The following CAMKMT variants were observed in gnomAD, a reference collection of about 807,000 sequenced individuals.
The protein encoded by CAMKMT is calmodulin-lysine N-methyltransferase.
CAMKMT carries 53 observed loss-of-function variants against 48.0 expected under a neutral mutation model. The ratio of observed to expected loss-of-function variants is 1.10; its 90% CI spans 0.89 to 1.39. The LOEUF (loss-of-function observed/expected upper bound fraction) is 1.39. CAMKMT is among the 40% of genes most tolerant of loss of function. The probability of loss-of-function intolerance (pLI) is 0.00; values close to 1 mark genes in which losing one functional copy is unlikely to be tolerated. For missense variants in CAMKMT, 428 were observed against 402.7 expected, an observed-to-expected ratio of 1.06 and a Z score of -0.54; for synonymous variants, 165 against 152.3, an observed-to-expected ratio of 1.08 and a Z score of -0.61.
At chr2:44,655,428 T>G (rs1182533482) in intron 3 of CAMKMT, among the ~76,000 whole-genome samples, 1 of 152,218 alleles carries the variant, frequency 6.6e-6, no homozygotes, top group African/African-American at 2.4e-5. Flanking sequence ...AGTTTCTTGC[T>G]GGAGGCAAAA....
intron 3 of CAMKMT, among the ~76,000 whole-genome samples, chr2:44,415,507 T>A (rs1683492649): frequency 6.6e-6 from 1 of 152,216 alleles, no homozygotes; most frequent in South Asian, 2.1e-4. Flanking sequence ...ATTAAGATAA[T>A]CACATGAATA....
intron 3 of CAMKMT, among the ~76,000 whole-genome samples, chr2:44,652,949 T>C (rs1471589823): frequency 6.6e-6 from 1 of 152,202 alleles, no homozygotes. Flanking sequence ...GTTGCCTGCT[T>C]CCCTTCTTAT....
At chr2:44,538,024 C>CA (rs1353390792) in intron 3 of CAMKMT, among the ~76,000 whole-genome samples, 2 of 152,088 alleles carry the variant, frequency 1.3e-5, no homozygotes, top group African/African-American at 4.8e-5. Context: ...AGCACAGTTC[C>CA]AAATTGCAAA....
intron 3 of CAMKMT, among the ~76,000 whole-genome samples, chr2:44,623,906 TG>T (rs1186694330): frequency 6.6e-6 from 1 of 152,220 alleles, no homozygotes; most frequent in African/African-American, 2.4e-5. Flanking sequence ...TAATATTTTA[TG>T]GATGCCTTTT....
In CAMKMT at chr2:44,362,047, G is replaced by T; in HGVS notation, c.40G>T (p.Ala14Ser). Residue 14 changes from alanine to serine, a missense_variant, in exon 1 of 11, where the codon GCG (alanine) becomes TCG (serine). Ala to Ser is a moderately conservative substitution (Grantham distance 99). Coordinates refer to ENST00000378494, the MANE Select transcript of CAMKMT (RefSeq NM_024766.5). ...CGCGGACGCTGGGACCGGCGAGACC[G>T]CGCGAGCAGCGGGCGGGAGTCCGGC... ...RVADAGTGET[A>S]RAAGGSPAVG... 7.0e-7 allele frequency: 1 copy of T among 1,431,326 alleles called. No individual in the cohort carries two copies. The highest frequency in any genetic ancestry group is 1.4e-5 in the South Asian group (1 of 69,196). 88.7% of individuals were successfully genotyped at this position (1,431,326 alleles called of 1,614,324 possible). A position where few individuals can be genotyped will look rare whatever the true frequency, so the allele number is the denominator to read the frequency against.
At chr2:44,558,087 C>T (rs1163507385) in intron 3 of CAMKMT, among the ~76,000 whole-genome samples, 1 of 151,896 alleles carries the variant, frequency 6.6e-6, no homozygotes, top group African/African-American at 2.4e-5. Flanking sequence ...TGAGATCTTG[C>T]TCTGTCATCC....
chr2:44,396,651 A>C (rs1681868916), intron 3 of CAMKMT, among the ~76,000 whole-genome samples: 1 of 152,010 alleles, frequency 6.6e-6, no homozygotes, highest in Non-Finnish European at 1.5e-5. Flanking sequence ...GGAGGGGGGT[A>C]GGTAAATTAA....
At chr2:44,597,891 C>T (rs1670759230) in intron 3 of CAMKMT, among the ~76,000 whole-genome samples, 1 of 152,180 alleles carries the variant, frequency 6.6e-6, no homozygotes, top group South Asian at 2.1e-4. Context: ...CATGCACCAC[C>T]ACCCTGGGCT....
chr2:44,601,783 T>G (rs1671007807), intron 3 of CAMKMT, among the ~76,000 whole-genome samples: 1 of 152,010 alleles, frequency 6.6e-6, no homozygotes, highest in Non-Finnish European at 1.5e-5. Flanking sequence ...AAACATTTCC[T>G]CTCAATTCTC....
intron 3 of CAMKMT, among the ~76,000 whole-genome samples, chr2:44,534,443 A>C (rs535136015): frequency 6.6e-6 from 1 of 152,334 alleles, no homozygotes; most frequent in South Asian, 2.1e-4. Context: ...CATTCTTCTC[A>C]TCATTATATT....
At chr2:44,487,156 A>G (rs928736248) in intron 3 of CAMKMT, among the ~76,000 whole-genome samples, 2 of 152,198 alleles carry the variant, frequency 1.3e-5, no homozygotes, top group African/African-American at 4.8e-5. Flanking sequence ...GTTAAAGTAG[A>G]AACTTAAAAA....
In CAMKMT at chr2:44,653,755, G is replaced by A. The variant is rs1046883233; in HGVS notation, c.377-50528G>A. On this transcript the variant is annotated intron_variant, in intron 3 of 10. Transcript: ENST00000378494. The surrounding 1 kb of genome is among the most constrained non-coding windows in gnomAD (Gnocchi z 5.2). ...ATTGTAGATATAATAGCAATAATTT[G>A]GAGTTATTTTTATTCATTTTAATGA... Among the ~76,000 whole-genome samples, 4 of 152,098 alleles carry A rather than the reference G, an allele frequency of 2.6e-5. No homozygotes were observed.
intron 3 of CAMKMT, among the ~76,000 whole-genome samples, chr2:44,619,445 T>C (rs1672058258): frequency 7.0e-6 from 1 of 142,406 alleles, no homozygotes; most frequent in African/African-American, 2.5e-5. Flanking sequence ...GTGAGAATAA[T>C]TTTAGCTGAT....
At chr2:44,441,600 A>G (rs566161821) in intron 3 of CAMKMT, among the ~76,000 whole-genome samples, 1 of 152,236 alleles carries the variant, frequency 6.6e-6, no homozygotes, top group South Asian at 2.1e-4. Flanking sequence ...TTTTAAACCC[A>G]ACACAGACTG....
intron 3 of CAMKMT, among the ~76,000 whole-genome samples, chr2:44,458,299 G>A (rs923930073): frequency 3.9e-5 from 6 of 152,048 alleles, no homozygotes; most frequent in Non-Finnish European, 8.8e-5. Context: ...CGCCCGCCTC[G>A]GCCTCCCAGA....
chr2:44,767,437 A>G (rs1357575591), intron 10 of CAMKMT, among the ~76,000 whole-genome samples: 2 of 152,232 alleles, frequency 1.3e-5, no homozygotes, highest in Non-Finnish European at 2.9e-5. Flanking sequence ...ATTACCCAGG[A>G]CTGTAATATA....
At chr2:44,390,128 T>A (rs1379197623) in intron 2 of CAMKMT, 113 bp from the exon 3 acceptor site, 1 of 706,666 alleles carries the variant, frequency 1.4e-6, no homozygotes, top group East Asian at 2.7e-5. Flanking sequence ...TAGCATGGAA[T>A]AATTTATTGC....
chr2:44,714,062 T>C (rs1177313027), intron 6 of CAMKMT, among the ~76,000 whole-genome samples: 3 of 152,148 alleles, frequency 2.0e-5, no homozygotes, highest in Non-Finnish European at 4.4e-5. Flanking sequence ...GAATATATCA[T>C]ATAAAATGAA....
In CAMKMT at chr2:44,495,059, T is replaced by A. The variant is rs74973116; in HGVS notation, c.376+104754T>A. Among the ~76,000 whole-genome samples, 1,004 of 152,364 alleles carry A rather than the reference T, an allele frequency of 6.6e-3. 11 individuals are homozygous for A. Among genetic ancestry groups the A allele is most frequent in the African/African-American group, 0.023 (960 of 41,584 alleles). ...CCTAATTATGTCCACATCCATGTAA[T>A]AAAATAAGCAGTATATTTAGGTTTG... On this transcript the variant is annotated intron_variant, in intron 3 of 10. Transcript: ENST00000378494.
Sources: allele counts gnomAD v4.1 joint callset (sites outside exome capture counted in the v4.1 genomes callset), GRCh38; gene constraint gnomAD v4.1.1; non-coding constraint Gnocchi (gnomAD v3.1); transcripts MANE v1.5; gene names NCBI Gene and HGNC (gene_info 2026-07-23, HGNC 2026-07-21).